Variants in UPF2 observed in about 807,000 individuals in gnomAD.
UPF2 encodes the protein UPF2 regulator of nonsense mediated mRNA decay, also known as regulator of nonsense transcripts 2.
In UPF2, 17 loss-of-function variants were observed where a neutral mutation model predicts 141.4. That is an observed-to-expected ratio of 0.12 (90% CI 0.08 to 0.18). UPF2 has a LOEUF of 0.18. Ranked by LOEUF, UPF2 falls within the 10% of genes least tolerant of loss-of-function variation. The probability of loss-of-function intolerance (pLI) is 1.00; values close to 1 mark genes in which losing one functional copy is unlikely to be tolerated. For missense variants in UPF2, 1,152 were observed against 1,515.9 expected, an observed-to-expected ratio of 0.76 and a Z score of 3.99; for synonymous variants, 540 against 498.0, an observed-to-expected ratio of 1.08 and a Z score of -1.12.
chr10:12,025,508 G>C (rs1564371050), intron 3 of UPF2, among the ~76,000 whole-genome samples: 1 of 151,886 alleles, frequency 6.6e-6, no homozygotes. Flanking sequence ...CCAAGACCAT[G>C]ACACTGCATT....
chr10:11,952,328 G>A (rs958714656), intron 14 of UPF2, 79 bp from the exon 15 acceptor site: 4 of 1,298,870 alleles, frequency 3.1e-6, no homozygotes, highest in Admixed American at 2.9e-5. Context: ...ATATTGTGCT[G>A]TTTCCCAGTT....
At chr10:12,033,963 G>A (rs1166032629) in intron 2 of UPF2, among the ~76,000 whole-genome samples, 2 of 152,194 alleles carry the variant, frequency 1.3e-5, no homozygotes, top group Admixed American at 1.3e-4. Context: ...TTATTTACTT[G>A]CACAGGTTTA....
intron 3 of UPF2, among the ~76,000 whole-genome samples, chr10:12,026,026 T>C (rs976912313): frequency 6.6e-6 from 1 of 152,180 alleles, no homozygotes; most frequent in African/African-American, 2.4e-5. Context: ...ACTCCTGGGC[T>C]CAAGCGATCC....
At chr10:11,971,926 T>G (rs1392549558) in intron 9 of UPF2, among the ~76,000 whole-genome samples, 1 of 152,060 alleles carries the variant, frequency 6.6e-6, no homozygotes, top group Admixed American at 6.6e-5. Flanking sequence ...TGGCCAGGTA[T>G]GGTGGCCTGT....
At chr10:11,977,413 A>T (rs550323452) in intron 9 of UPF2, among the ~76,000 whole-genome samples, 13 of 152,256 alleles carry the variant, frequency 8.5e-5, no homozygotes, top group African/African-American at 2.6e-4. Flanking sequence ...TGGAGTTCTG[A>T]TATTCTTCCC....
Position 12,035,041 on chromosome 10 carries a change from T to C in UPF2, c.365+18A>G. 6.5e-7 allele frequency: 1 copy of C among 1,539,758 alleles called. No homozygotes were observed. The highest frequency in any genetic ancestry group is 8.7e-7 in the Non-Finnish European group (1 of 1,154,082). The stretch of plus-strand genomic sequence containing the variant: ...CTTCCCATTCCCTCACATCAATAAA[T>C]ACAATCAACTGCCTTACTTCATCTG... On this transcript the variant is annotated intron_variant, in intron 2 of 21. Transcript: ENST00000357604.
At chr10:12,003,557 A>C (rs1833986331) in intron 5 of UPF2, among the ~76,000 whole-genome samples, 1 of 152,182 alleles carries the variant, frequency 6.6e-6, no homozygotes, top group Non-Finnish European at 1.5e-5. Context: ...CAATGTTAAC[A>C]ATTTTAAATT....
intron 8 of UPF2, among the ~76,000 whole-genome samples, chr10:11,985,061 C>T (rs111257390): frequency 3.3e-5 from 5 of 152,146 alleles, no homozygotes; most frequent in Non-Finnish European, 7.3e-5. Context: ...TGTTCAGGCA[C>T]AGATCAATGA....
chr10:12,034,946 C>A, intron 2 of UPF2, 113 bp downstream of exon 2: 2 of 1,430,992 alleles, frequency 1.4e-6, no homozygotes, highest in East Asian at 2.4e-5. Context: ...TTAAGATACT[C>A]CCAATTCTTA....
intron 16 of UPF2, among the ~76,000 whole-genome samples, chr10:11,946,569 C>T (rs1833002927): frequency 6.6e-6 from 1 of 152,124 alleles, no homozygotes; most frequent in African/African-American, 2.4e-5. Flanking sequence ...ATCATACTTC[C>T]AGTGAAAAAC....
In UPF2 at chr10:11,998,884, G is replaced by A. The variant is rs1433279004; in HGVS notation, c.1758+1022C>T. Among the ~76,000 whole-genome samples, 3 of 151,866 alleles carry A rather than the reference G, an allele frequency of 2.0e-5. No homozygotes were observed. Among genetic ancestry groups the A allele is most frequent in the Non-Finnish European group, 4.4e-5 (3 of 67,976 alleles). ...AATAAAAAATAAAAAGATTAGCTGG[G>A]CGTGGTGGTGCACGCCTGTAGTCCC... is the stretch of plus-strand genomic sequence containing the variant. On this transcript the variant is annotated intron_variant, in intron 7 of 21. Transcript: ENST00000357604. This position sits in a 1 kb window ranked among gnomAD's most constrained non-coding sequence, Gnocchi z 4.5.
intron 5 of UPF2, among the ~76,000 whole-genome samples, chr10:12,004,212 C>A (rs187108644): frequency 6.6e-6 from 1 of 152,166 alleles, no homozygotes; most frequent in African/African-American, 2.4e-5. Flanking sequence ...AGAGCTAACA[C>A]CTGCCCTAAC....
intron 2 of UPF2, among the ~76,000 whole-genome samples, chr10:12,030,543 A>AATAAT (rs1554785629): frequency 6.7e-6 from 1 of 148,920 alleles, no homozygotes; most frequent in Non-Finnish European, 1.5e-5. Flanking sequence ...CTGCCTCAAA[A>AATAAT]AATAATAATA....
intron 18 of UPF2, among the ~76,000 whole-genome samples, chr10:11,942,112 C>A (rs866275829): frequency 6.6e-6 from 1 of 152,130 alleles, no homozygotes; most frequent in South Asian, 2.1e-4. Flanking sequence ...TGGTGGCTCA[C>A]GCTGTAATCC....
chr10:11,961,782 T>C (rs554623689), intron 11 of UPF2, among the ~76,000 whole-genome samples: 54 of 152,320 alleles, frequency 3.5e-4, no homozygotes, highest in African/African-American at 1.3e-3. Context: ...TTTAAAAACA[T>C]ATTCACTCTT....
intron 4 of UPF2, among the ~76,000 whole-genome samples, chr10:12,008,648 A>G (rs923733579): frequency 4.3e-4 from 65 of 151,818 alleles, no homozygotes; most frequent in African/African-American, 7.7e-4. Context: ...AAAAAAAAAA[A>G]AAAGAAACAT....
At chr10:11,986,074 C>A (rs1387770727) in intron 8 of UPF2, among the ~76,000 whole-genome samples, 3 of 151,330 alleles carry the variant, frequency 2.0e-5, no homozygotes, top group Non-Finnish European at 1.5e-5. Context: ...ATAGTAGAGA[C>A]GGGGTTTCAC....
chr10:12,012,423 G>C (rs990021623), intron 4 of UPF2, among the ~76,000 whole-genome samples: 1 of 152,146 alleles, frequency 6.6e-6, no homozygotes, highest in African/African-American at 2.4e-5. Context: ...TACTGAGAAA[G>C]TTCTGAGAAA....
In UPF2 at chr10:11,955,215, T is replaced by C. The variant is rs2131188308; in HGVS notation, c.2850+17A>G. The stretch of plus-strand genomic sequence containing the variant: ...ATATGTTAAATGATGCCAAACTGAA[T>C]ATTTCAGCTTATATACCTGAAAATA... On this transcript the variant is annotated intron_variant, in intron 14 of 21. Coordinates refer to ENST00000357604, the MANE Select transcript of UPF2 (RefSeq NM_015542.4). The C allele has an allele frequency of 6.4e-7, 1 of 1,557,444 alleles. No homozygotes were observed. Among genetic ancestry groups the C allele is most frequent in the African/African-American group, 1.4e-5 (1 of 73,034 alleles).
Sources: gnomAD v4.1 joint callset for allele counts (sites outside exome capture counted in the v4.1 genomes callset) on GRCh38, gnomAD v4.1.1 for gene constraint, Gnocchi (gnomAD v3.1) non-coding constraint, MANE v1.5 for transcripts, NCBI Gene and HGNC (gene_info 2026-07-23, HGNC 2026-07-21) for gene names.